The following EYA1 variants were observed in gnomAD, a reference collection of about 807,000 sequenced individuals.
The protein encoded by EYA1 is protein phosphatase EYA1.
Under a neutral mutation model 82.0 loss-of-function variants are expected in EYA1, and 16 were observed. The observed-to-expected ratio is 0.20, with a 90% CI of 0.13 to 0.30. The LOEUF (loss-of-function observed/expected upper bound fraction) is 0.30, where lower values mean the gene tolerates loss of function less well. EYA1 is among the 10% of genes least tolerant of loss of function. The pLI is 1.00. For synonymous variants in EYA1, 261 were observed against 264.4 expected (o/e 0.99, Z 0.12); for missense variants, 633 against 730.7 (o/e 0.87, Z 1.54).
Position 71,199,541 on chromosome 8 carries a change from A to T in EYA1, c.1699-121T>A, listed in dbSNP as rs1806670295. On this transcript the variant is annotated intron_variant, in intron 17 of 17. Coordinates refer to ENST00000340726, the MANE Select transcript of EYA1 (RefSeq NM_000503.6). ...CAGTATCATTGAAATGCCAGCTAACATCTTAACATCACATCTGTTTAAAAC... is the reference window on the plus strand; with the variant it reads ...CAGTATCATTGAAATGCCAGCTAACTTCTTAACATCACATCTGTTTAAAAC... 5 of 706,108 alleles carry T rather than the reference A, an allele frequency of 7.1e-6. No individual in the cohort carries two copies. The South Asian group carries it at 7.5e-5, about 11-fold the overall frequency. 43.7% of individuals were successfully genotyped at this position (706,108 alleles called of 1,614,324 possible). A position where few individuals can be genotyped will look rare whatever the true frequency, so the allele number is the denominator to read the frequency against.
At chr8:71,267,279 G>A (rs181805885) in intron 11 of EYA1, among the ~76,000 whole-genome samples, 1 of 152,060 alleles carries the variant, frequency 6.6e-6, no homozygotes, top group Non-Finnish European at 1.5e-5. Flanking sequence ...GGTCTCACTG[G>A]CCTCTGTCCA....
At chr8:71,294,602 T>A (rs2128992970) in intron 9 of EYA1, among the ~76,000 whole-genome samples, 1 of 152,284 alleles carries the variant, frequency 6.6e-6, no homozygotes, top group African/African-American at 2.4e-5. Flanking sequence ...AAGATATAAA[T>A]AAATGGAGAG....
chr8:71,444,610 T>A (rs918092186), intron 2 of EYA1, among the ~76,000 whole-genome samples: 2 of 152,216 alleles, frequency 1.3e-5, no homozygotes, highest in African/African-American at 2.4e-5. Flanking sequence ...GGTACCAGGA[T>A]GAGAGGAGCA....
rs368935248 is a variant in EYA1, at chr8:71,243,974, C to T, written c.1140+629G>A. 1.4e-4 allele frequency among the ~76,000 whole-genome samples: 21 copies of T among 152,340 alleles called. No individual in the cohort carries two copies. The East Asian group carries it at 2.3e-3, about 17-fold the overall frequency. ...AAATGTAGTTATAGTCATATTTTCT[C>T]ATAATGGAGATATGAAAAACAATAT... is the stretch of plus-strand genomic sequence containing the variant. On this transcript the variant is annotated intron_variant, in intron 12 of 17. Coordinates refer to ENST00000340726, the MANE Select transcript of EYA1 (RefSeq NM_000503.6).
At chr8:71,439,330 G>A (rs1449645236) in intron 2 of EYA1, among the ~76,000 whole-genome samples, 3 of 152,102 alleles carry the variant, frequency 2.0e-5, no homozygotes, top group African/African-American at 2.4e-5. Context: ...TGAATGGGAA[G>A]GATTGTAATC....
chr8:71,328,994 C>T (rs1329446278), intron 4 of EYA1, among the ~76,000 whole-genome samples: 1 of 152,184 alleles, frequency 6.6e-6, no homozygotes, highest in East Asian at 1.9e-4. Context: ...ATCAGGACTG[C>T]AACTGAATAA....
At chr8:71,390,019 G>A (rs1325456517) in intron 2 of EYA1, among the ~76,000 whole-genome samples, 1 of 151,814 alleles carries the variant, frequency 6.6e-6, no homozygotes, top group African/African-American at 2.4e-5. Flanking sequence ...TTTTTCTTTT[G>A]CATTTAGTAA....
chr8:71,504,895 G>A (rs1165405134), intron 2 of EYA1, among the ~76,000 whole-genome samples: 11 of 152,046 alleles, frequency 7.2e-5, no homozygotes, highest in South Asian at 6.2e-4. Flanking sequence ...TCTGCCTCCC[G>A]GGCTCAAGTG....
chr8:71,469,435 A>G (rs1430474810), intron 2 of EYA1, among the ~76,000 whole-genome samples: 1 of 152,056 alleles, frequency 6.6e-6, no homozygotes, highest in Non-Finnish European at 1.5e-5. Context: ...CCTATCTCAC[A>G]GCATTGTTGT....
chr8:71,334,033 A>G (rs552650506), intron 4 of EYA1, 64 bp downstream of exon 4: 3 of 1,087,820 alleles, frequency 2.8e-6, no homozygotes, highest in Non-Finnish European at 2.9e-6. Flanking sequence ...ACACAGGGAC[A>G]TTACATGAAT....
rs538458651 is a variant in EYA1 at position 71,247,502 on chromosome 8, C to T, written c.1051-2810G>A. 2.6e-5 allele frequency among the ~76,000 whole-genome samples: 4 copies of T among 152,188 alleles called. No individual in the cohort carries two copies. The South Asian group carries it at 8.3e-4, about 32-fold the overall frequency. On this transcript the variant is annotated intron_variant, in intron 11 of 17. Transcript: ENST00000340726. ...TTCTGCTGGGAGGGACAAAGGAAAA[C>T]GATTCCCTCAAATTTTGTGTATGAT...
At chr8:71,427,044 T>G (rs1237513280) in intron 2 of EYA1, among the ~76,000 whole-genome samples, 4 of 152,232 alleles carry the variant, frequency 2.6e-5, no homozygotes, top group Non-Finnish European at 5.9e-5. Context: ...ATATAGGTGA[T>G]TTCTAACAGA....
chr8:71,433,374 C>G (rs1383501785), intron 2 of EYA1, among the ~76,000 whole-genome samples: 1 of 152,180 alleles, frequency 6.6e-6, no homozygotes, highest in Non-Finnish European at 1.5e-5. Context: ...ATCATATACT[C>G]TCATATAACA....
chr8:71,500,589 A>G (rs1811741944), intron 2 of EYA1, among the ~76,000 whole-genome samples: 1 of 152,170 alleles, frequency 6.6e-6, no homozygotes, highest in South Asian at 2.1e-4. Context: ...CCTCCCATCA[A>G]TCAGTATTTA....
chr8:71,472,030 T>C (rs1269039838), intron 2 of EYA1, among the ~76,000 whole-genome samples: 1 of 152,104 alleles, frequency 6.6e-6, no homozygotes. Context: ...AAGAATCTTG[T>C]CTGAATCAGG....
chr8:71,315,788 G>A (rs1821862661), intron 7 of EYA1, among the ~76,000 whole-genome samples: 1 of 152,196 alleles, frequency 6.6e-6, no homozygotes, highest in African/African-American at 2.4e-5. Flanking sequence ...GTTTTGGAAT[G>A]AGGCACATAA....
chr8:71,412,957 T>C (rs1830684829), intron 2 of EYA1, among the ~76,000 whole-genome samples: 1 of 151,996 alleles, frequency 6.6e-6, no homozygotes, highest in East Asian at 1.9e-4. Flanking sequence ...GGATAGGGAG[T>C]TCCAAGACTA....
At chr8:71,521,510 A>G (rs1813400627) in intron 2 of EYA1, among the ~76,000 whole-genome samples, 1 of 152,202 alleles carries the variant, frequency 6.6e-6, no homozygotes, top group African/African-American at 2.4e-5. Flanking sequence ...AGCAAAATGA[A>G]CATGCAACTG....
intron 2 of EYA1, among the ~76,000 whole-genome samples, chr8:71,396,901 C>A (rs1341085214): frequency 6.6e-6 from 1 of 152,104 alleles, no homozygotes; most frequent in African/African-American, 2.4e-5. Flanking sequence ...CAAAGTCTCC[C>A]ATTATTATTG....
Sources: allele counts gnomAD v4.1 joint callset (sites outside exome capture counted in the v4.1 genomes callset), GRCh38; gene constraint gnomAD v4.1.1; transcripts MANE v1.5; gene names NCBI Gene and HGNC (gene_info 2026-07-23, HGNC 2026-07-21).